The following THRB variants were observed in gnomAD, a reference collection of about 807,000 sequenced individuals.
THRB encodes thyroid hormone receptor beta.
In THRB, 12 loss-of-function variants were observed where a neutral mutation model predicts 47.8. The ratio of observed to expected loss-of-function variants is 0.25; its 90% CI spans 0.16 to 0.41. The LOEUF is 0.41. Ranked by LOEUF, THRB falls within the 10% of genes least tolerant of loss-of-function variation. THRB has a pLI of 1.00. For missense variants in THRB, 348 were observed against 589.2 expected, an observed-to-expected ratio of 0.59 and a Z score of 4.24; for synonymous variants, 218 against 212.2, an observed-to-expected ratio of 1.03 and a Z score of -0.24.
At chr3:24,150,252 T>C (rs2036707189) in intron 6 of THRB, among the ~76,000 whole-genome samples, 1 of 152,198 alleles carries the variant, frequency 6.6e-6, no homozygotes, top group African/African-American at 2.4e-5. Flanking sequence ...GGTAGAAATA[T>C]TTTTAAATTA....
chr3:24,190,370 G>A, intron 4 of THRB, 36 bp from the exon 5 acceptor site: 2 of 1,613,728 alleles, frequency 1.2e-6, no homozygotes, highest in Non-Finnish European at 1.7e-6. Flanking sequence ...ACGAGCTGTT[G>A]GCATTGTCAA....
At chr3:24,200,498 G>A (rs1393038273) in intron 4 of THRB, among the ~76,000 whole-genome samples, 1 of 152,136 alleles carries the variant, frequency 6.6e-6, no homozygotes, top group East Asian at 1.9e-4. Flanking sequence ...TCAGTACTTG[G>A]CAGCAAAACA....
chr3:24,462,450 T>C (rs1297078223), intron 1 of THRB, among the ~76,000 whole-genome samples: 1 of 152,254 alleles, frequency 6.6e-6, no homozygotes, highest in Non-Finnish European at 1.5e-5. Context: ...TTGGTTCTAT[T>C]ACTCACGGCA....
At chr3:24,158,499 G>T (rs947345709) in intron 5 of THRB, among the ~76,000 whole-genome samples, 5 of 151,578 alleles carry the variant, frequency 3.3e-5, no homozygotes, top group Admixed American at 2.0e-4. Context: ...CACGATCTCG[G>T]CTCGCTGCAG....
chr3:24,232,806 A>G (rs1433868167), intron 3 of THRB, among the ~76,000 whole-genome samples: 1 of 152,168 alleles, frequency 6.6e-6, no homozygotes, highest in Non-Finnish European at 1.5e-5. Flanking sequence ...TGTTTAAGTG[A>G]CATTTAAGAG....
At position 24,238,138 on chromosome 3, in the gene THRB, G is replaced by A. The variant is rs1004215744; in HGVS notation, c.-42-9137C>T. The A allele has an allele frequency of 7.2e-5, 11 of 152,150 alleles. No individual in the cohort carries two copies. The South Asian group carries it at 1.9e-3, about 26-fold the overall frequency. The allele number at this position is 152,150 out of a possible 1,614,324, so 9.4% of individuals were successfully genotyped here. A position where few individuals can be genotyped will look rare whatever the true frequency, so the allele number is the denominator to read the frequency against. ...CAGCCCAGAGGTAGTTTGAGGAAAC[G>A]TCTGACAGCAGGAAAAACAACTTCA... On this transcript the variant is annotated intron_variant, in intron 3 of 10. Transcript: ENST00000646209.
chr3:24,440,601 C>T (rs148115853), intron 1 of THRB, among the ~76,000 whole-genome samples: 1 of 152,138 alleles, frequency 6.6e-6, no homozygotes, highest in African/African-American at 2.4e-5. Flanking sequence ...AGCAGTTTTA[C>T]AAATAAAAAT....
chr3:24,202,755 T>G (rs1425369931), intron 4 of THRB, among the ~76,000 whole-genome samples: 1 of 152,224 alleles, frequency 6.6e-6, no homozygotes, highest in African/African-American at 2.4e-5. Flanking sequence ...ATGCTGTGAT[T>G]AGCCCCATTT....
chr3:24,320,818 T>C (rs994027563), intron 2 of THRB, among the ~76,000 whole-genome samples: 1 of 152,134 alleles, frequency 6.6e-6, no homozygotes, highest in South Asian at 2.1e-4. Flanking sequence ...ATTTGCAATC[T>C]TGGACTTGAG....
At chr3:24,239,556 C>A (rs545253366) in intron 3 of THRB, among the ~76,000 whole-genome samples, 1 of 152,168 alleles carries the variant, frequency 6.6e-6, no homozygotes, top group South Asian at 2.1e-4. Flanking sequence ...TTAAGCAATT[C>A]TCCTGTCTTG....
At chr3:24,180,904 C>T (rs1282721110) in intron 5 of THRB, among the ~76,000 whole-genome samples, 1 of 152,184 alleles carries the variant, frequency 6.6e-6, no homozygotes, top group Non-Finnish European at 1.5e-5. Flanking sequence ...AACTCAAAGC[C>T]TCCCTGCCCT....
chr3:24,360,403 TC>T (rs1256762879), intron 1 of THRB, among the ~76,000 whole-genome samples: 1 of 152,156 alleles, frequency 6.6e-6, no homozygotes, highest in Non-Finnish European at 1.5e-5. Context: ...AACCTCAGGT[TC>T]ATTCCCAGAC....
chr3:24,470,119 G>T (rs975954194), intron 1 of THRB, among the ~76,000 whole-genome samples: 2 of 152,172 alleles, frequency 1.3e-5, no homozygotes, highest in African/African-American at 4.8e-5. Flanking sequence ...CTTGAGTCAT[G>T]TGACTCACAC....
At chr3:24,185,976 G>A (rs930952975) in intron 5 of THRB, among the ~76,000 whole-genome samples, 3 of 152,162 alleles carry the variant, frequency 2.0e-5, no homozygotes, top group Non-Finnish European at 4.4e-5. Context: ...CCTTCCAGCT[G>A]GCAATTGAGA....
intron 1 of THRB, among the ~76,000 whole-genome samples, chr3:24,416,143 T>G (rs1258807122): frequency 6.6e-6 from 1 of 151,892 alleles, no homozygotes; most frequent in African/African-American, 2.4e-5. Flanking sequence ...CTGCCTTATA[T>G]AAACGTACTT....
chr3:24,303,789 C>T (rs17194919), intron 2 of THRB, among the ~76,000 whole-genome samples: 10,818 of 152,122 alleles, frequency 0.071, 384 homozygotes, highest in Non-Finnish European at 0.08. Flanking sequence ...AAGGATACAC[C>T]GACTAAGTTT....
At chr3:24,228,441 G>C (rs914640163) in intron 4 of THRB, among the ~76,000 whole-genome samples, 4 of 151,976 alleles carry the variant, frequency 2.6e-5, no homozygotes, top group Non-Finnish European at 5.9e-5. Context: ...AAAGTATGTA[G>C]AGCCATTTAT....
intron 4 of THRB, among the ~76,000 whole-genome samples, chr3:24,199,723 T>A (rs2044375104): frequency 6.6e-6 from 1 of 152,228 alleles, no homozygotes; most frequent in African/African-American, 2.4e-5. Context: ...TTTTAAAGTT[T>A]GTGTTTATAA....
chr3:24,224,120 T>C (rs2150036330), intron 4 of THRB, among the ~76,000 whole-genome samples: 1 of 152,308 alleles, frequency 6.6e-6, no homozygotes, highest in South Asian at 2.1e-4. Context: ...GAAAAAGTTT[T>C]TAAAGCTGTT....
Sources: gnomAD v4.1 joint callset for allele counts (sites outside exome capture counted in the v4.1 genomes callset) on GRCh38, gnomAD v4.1.1 for gene constraint, MANE v1.5 for transcripts, NCBI Gene and HGNC (gene_info 2026-07-23, HGNC 2026-07-21) for gene names.